AP3B1: variants seen among roughly 807,000 people sequenced by gnomAD.
AP3B1 encodes the protein adaptor related protein complex 3 subunit beta 1.
In AP3B1, 61 loss-of-function variants were observed where a neutral mutation model predicts 132.5. That is an observed-to-expected ratio of 0.46 (90% confidence interval 0.37 to 0.57). The LOEUF is 0.57. Among genes scored for constraint, AP3B1 ranks in the 20% least tolerant of loss-of-function variants. AP3B1 has a pLI of 0.00. For missense variants in AP3B1, 1,120 were observed against 1,289.4 expected (o/e 0.87, Z 2.01); for synonymous variants, 388 against 438.3 (o/e 0.89, Z 1.43).
chr5:78,146,419 T>C (rs935222893), intron 14 of AP3B1, among the ~76,000 whole-genome samples: 2 of 152,254 alleles, frequency 1.3e-5, no homozygotes, highest in Non-Finnish European at 2.9e-5. Context: ...CAACTAATTA[T>C]CAGCTTTTCA....
chr5:78,161,468 G>A (rs1580426133), intron 13 of AP3B1, among the ~76,000 whole-genome samples: 1 of 151,752 alleles, frequency 6.6e-6, no homozygotes, highest in Admixed American at 6.6e-5. Flanking sequence ...TATTTTATTT[G>A]GTTGAATAGA....
intron 24 of AP3B1, among the ~76,000 whole-genome samples, chr5:78,025,059 C>CAT (rs999795346): frequency 5.9e-5 from 9 of 152,016 alleles, no homozygotes; most frequent in Non-Finnish European, 1.2e-4. Flanking sequence ...CAGACACATA[C>CAT]ATATATATAC....
At chr5:78,294,389 G>A in intron 1 of AP3B1, 63 bp downstream of exon 1, 1 of 1,610,172 alleles carries the variant, frequency 6.2e-7, no homozygotes, top group Admixed American at 1.7e-5. Flanking sequence ...CCACCCTGGC[G>A]CCCACTCCTC....
chr5:78,278,923 T>C (rs1258435119), intron 1 of AP3B1, among the ~76,000 whole-genome samples: 1 of 151,952 alleles, frequency 6.6e-6, no homozygotes, highest in Non-Finnish European at 1.5e-5. Flanking sequence ...AATAGTCTCA[T>C]CCCCAAGCCA....
chr5:78,007,254 A>G (rs183555142), intron 26 of AP3B1, among the ~76,000 whole-genome samples: 13 of 152,316 alleles, frequency 8.5e-5, no homozygotes, highest in Admixed American at 7.8e-4. Context: ...GTAGTCACAA[A>G]CATAACATTT....
intron 22 of AP3B1, among the ~76,000 whole-genome samples, chr5:78,070,314 G>C (rs1749480881): frequency 6.6e-6 from 1 of 151,636 alleles, no homozygotes; most frequent in Admixed American, 6.6e-5. Context: ...GGCTGAGGCA[G>C]GAGAATTGCT....
intron 22 of AP3B1, among the ~76,000 whole-genome samples, chr5:78,065,785 C>A (rs367808902): frequency 6.6e-6 from 1 of 152,158 alleles, no homozygotes; most frequent in South Asian, 2.1e-4. Flanking sequence ...TTCCCGCCCC[C>A]GCACAGAGCA....
intron 8 of AP3B1, among the ~76,000 whole-genome samples, chr5:78,181,217 G>GT (rs1744354105): frequency 6.6e-6 from 1 of 152,044 alleles, no homozygotes; most frequent in Non-Finnish European, 1.5e-5. Context: ...CCATTAAAAC[G>GT]TAAATGAAGT....
intron 22 of AP3B1, among the ~76,000 whole-genome samples, chr5:78,058,448 C>T (rs1036455768): frequency 4.0e-5 from 6 of 151,628 alleles, no homozygotes; most frequent in African/African-American, 9.7e-5. Flanking sequence ...TGCAGTGAGC[C>T]GAGACCGCGC....
chr5:78,268,864 T>C (rs1465284388), intron 1 of AP3B1, among the ~76,000 whole-genome samples: 2 of 152,222 alleles, frequency 1.3e-5, no homozygotes, highest in Non-Finnish European at 2.9e-5. Flanking sequence ...AGAAAAATCC[T>C]AGGCACTGTT....
chr5:78,092,223 G>A (rs186069636), intron 21 of AP3B1, among the ~76,000 whole-genome samples: 210 of 152,310 alleles, frequency 1.4e-3, no homozygotes, highest in Middle Eastern at 3.4e-3. Context: ...TTCAACTGTG[G>A]CTTGGCTAAA....
At chr5:78,149,955 A>G (rs948196655) in intron 14 of AP3B1, among the ~76,000 whole-genome samples, 1 of 151,982 alleles carries the variant, frequency 6.6e-6, no homozygotes, top group Non-Finnish European at 1.5e-5. Flanking sequence ...CTTTAAGATA[A>G]ATGTGTAACT....
chr5:78,101,230 T>TA, intron 20 of AP3B1: 1 of 506,458 alleles, frequency 2.0e-6, no homozygotes, highest in South Asian at 2.2e-5. Context: ...TGCAAACTCT[T>TA]AAACTATTTT....
At chr5:78,174,490 C>A (rs1744061065) in intron 11 of AP3B1, among the ~76,000 whole-genome samples, 1 of 152,138 alleles carries the variant, frequency 6.6e-6, no homozygotes. Flanking sequence ...CACTCCAGAC[C>A]CTGTTTGCCT....
chr5:78,184,617 G>T (rs1037786534), intron 7 of AP3B1, among the ~76,000 whole-genome samples: 2 of 151,234 alleles, frequency 1.3e-5, no homozygotes, highest in African/African-American at 2.5e-5. Flanking sequence ...GAACCTGGGA[G>T]GCAGAGATTG....
At chr5:78,126,649 C>A (rs1038845986) in intron 17 of AP3B1, among the ~76,000 whole-genome samples, 1 of 151,196 alleles carries the variant, frequency 6.6e-6, no homozygotes, top group African/African-American at 2.4e-5. Context: ...CATATTTTTA[C>A]ATATTACTAC....
intron 14 of AP3B1, among the ~76,000 whole-genome samples, chr5:78,147,026 C>T (rs1172933791): frequency 1.3e-5 from 2 of 151,916 alleles, no homozygotes; most frequent in Non-Finnish European, 2.9e-5. Flanking sequence ...GCTATATTTA[C>T]TAAATAAGTT....
intron 21 of AP3B1, 129 bp downstream of exon 21, chr5:78,100,824 G>T: frequency 1.7e-6 from 1 of 580,892 alleles, no homozygotes; most frequent in Non-Finnish European, 3.0e-6. Flanking sequence ...AAACTTTCTT[G>T]CCTTATTCAT....
At chr5:78,020,573 T>C (rs146499662) in intron 25 of AP3B1, 119 bp downstream of exon 25, 2 of 770,940 alleles carry the variant, frequency 2.6e-6, no homozygotes, top group African/African-American at 1.7e-5. Context: ...AATTGGAAGA[T>C]TGTGCACTAA....
Sources: gnomAD v4.1 joint callset for allele counts (sites outside exome capture counted in the v4.1 genomes callset) on GRCh38, gnomAD v4.1.1 for gene constraint, MANE v1.5 for transcripts, NCBI Gene and HGNC (gene_info 2026-07-23, HGNC 2026-07-21) for gene names.